The following COL5A2 variants were observed in gnomAD, a reference collection of about 807,000 sequenced individuals.
COL5A2 encodes collagen type V alpha 2 chain, also known as collagen alpha-2(V) chain.
A neutral mutation model predicts 208.2 loss-of-function variants in COL5A2; 23 were observed. The observed-to-expected ratio is 0.11, with a 90% CI of 0.08 to 0.16. The LOEUF (loss-of-function observed/expected upper bound fraction) is 0.16, where lower values mean the gene tolerates loss of function less well. COL5A2 is among the 10% of genes least tolerant of loss of function. The pLI is 1.00. For missense variants in COL5A2, 1,590 were observed against 1,956.4 expected (o/e 0.81, Z 3.53); for synonymous variants, 625 against 628.5 (o/e 0.99, Z 0.08).
At position 189,072,241 on chromosome 2, in the gene COL5A2, C is replaced by T. The variant is rs369546223; in HGVS notation, c.1105-148G>A. ...AATTACAAAGATAATAGGCTAATTT[C>T]ATTATAAGTACCTTCAACATCAATC... On this transcript the variant is annotated intron_variant, in intron 17 of 53. Coordinates refer to ENST00000374866, the MANE Select transcript of COL5A2 (RefSeq NM_000393.5). The T allele has an allele frequency of 1.7e-5, 11 of 646,528 alleles. No individual in the cohort carries two copies. In the East Asian group the frequency reaches 2.5e-4, roughly 15 times the overall value. 40.0% of individuals were successfully genotyped at this position (646,528 alleles called of 1,614,324 possible). A position where few individuals can be genotyped will look rare whatever the true frequency, so the allele number is the denominator to read the frequency against.
chr2:189,248,180 T>G, the COL5A2 span, among the ~76,000 whole-genome samples: 85 of 152,322 alleles, frequency 5.6e-4, no homozygotes, highest in Non-Finnish European at 1.2e-3. Flanking sequence ...GCAATGTGCT[T>G]TTTTCAGTGT....
intron 26 of COL5A2, 95 bp from the exon 27 acceptor site, chr2:189,063,365 T>G: frequency 1.0e-6 from 1 of 1,001,556 alleles, no homozygotes; most frequent in South Asian, 1.3e-5. Flanking sequence ...TCATGTTACA[T>G]AAATTTTAAA....
chr2:189,066,421 G>C lies in COL5A2; in HGVS notation c.1532C>G (p.Thr511Arg), dbSNP rs745307059. Residue 511 changes from threonine (T) to arginine (R), a missense_variant, in exon 23 of 54, where the codon ACA (threonine) becomes AGA (arginine). Transcript: ENST00000374866. The part of the protein sequence containing the change: ...GKRGPRGDPG[T>R]VGPPGPVGER... ...TCCCACTGGCCCTGGAGGACCAACT[G>C]TTCCTGGGTCACCTCTGGGACCTCT... is the stretch of plus-strand genomic sequence containing the variant. 1.9e-6 allele frequency: 3 copies of C among 1,614,150 alleles called. No individual in the cohort carries two copies. The highest frequency in any genetic ancestry group is 2.2e-5 in the South Asian group (2 of 91,080).
At chr2:189,243,669 C>G in the COL5A2 span, among the ~76,000 whole-genome samples, 1 of 152,178 alleles carries the variant, frequency 6.6e-6, no homozygotes, top group Non-Finnish European at 1.5e-5. Flanking sequence ...CATATCCTCA[C>G]ATTTCAAAAC....
chr2:189,106,742 T>C (rs1001153019), intron 2 of COL5A2, among the ~76,000 whole-genome samples: 20 of 151,452 alleles, frequency 1.3e-4, no homozygotes, highest in African/African-American at 4.6e-4. Context: ...AAATATTGTA[T>C]TATGTTAGTA....
chr2:189,068,853 G>C lies in COL5A2; in HGVS notation c.1190C>G (p.Pro397Arg). 6.2e-7 allele frequency: 1 copy of C among 1,613,292 alleles called. No homozygotes were observed. ...GEAGPTGARGPEGPQGQRGET... is the reference protein window; with the variant it reads ...GEAGPTGARGREGPQGQRGET... ...ACCTCTCTGCCCCTGAGGACCTTCA[G>C]GGCCTCGCGCCCCTGTAGGACCTGC... Residue 397 changes from proline (P) to arginine (R), a missense_variant, in exon 19 of 54, where the codon CCT (proline) becomes CGT (arginine). Coordinates refer to ENST00000374866, the MANE Select transcript of COL5A2 (RefSeq NM_000393.5).
chr2:189,319,322 G>A, the COL5A2 span, among the ~76,000 whole-genome samples: 1 of 152,252 alleles, frequency 6.6e-6, no homozygotes, highest in South Asian at 2.1e-4. Context: ...GTAGGTGCAG[G>A]ACACTGGATG....
chr2:189,365,225 T>A, the COL5A2 span, among the ~76,000 whole-genome samples: 1 of 152,226 alleles, frequency 6.6e-6, no homozygotes, highest in Non-Finnish European at 1.5e-5. Flanking sequence ...CAAAATTATA[T>A]GAGCTTCAGA....
At chr2:189,252,115 G>A in the COL5A2 span, among the ~76,000 whole-genome samples, 4 of 152,174 alleles carry the variant, frequency 2.6e-5, no homozygotes, top group Non-Finnish European at 5.9e-5. Context: ...GGAAACAACA[G>A]GTGCTGGAGA....
chr2:189,300,194 A>G, the COL5A2 span, among the ~76,000 whole-genome samples: 1 of 152,176 alleles, frequency 6.6e-6, no homozygotes. Context: ...TCAGCATATT[A>G]TACTTTCTTT....
chr2:189,093,540 T>C (rs1217900529), intron 6 of COL5A2, among the ~76,000 whole-genome samples: 1 of 152,160 alleles, frequency 6.6e-6, no homozygotes, highest in African/African-American at 2.4e-5. Context: ...GCATCATAGC[T>C]ATTCAGAAAT....
At chr2:189,085,972 A>T (rs1490635040) in intron 9 of COL5A2, among the ~76,000 whole-genome samples, 200 bp from the exon 10 acceptor site, 1 of 152,166 alleles carries the variant, frequency 6.6e-6, no homozygotes, top group Non-Finnish European at 1.5e-5. Flanking sequence ...TTACTTTATT[A>T]GGCTGTTATG....
At chr2:189,414,619 A>C in the COL5A2 span, among the ~76,000 whole-genome samples, 1 of 152,000 alleles carries the variant, frequency 6.6e-6, no homozygotes, top group African/African-American at 2.4e-5. Flanking sequence ...GTGCGGTGGC[A>C]TGCGCCTATA....
chr2:189,057,401 A>G lies in COL5A2; in HGVS notation c.2256T>C (p.Pro752=). 6.2e-7 allele frequency: 1 copy of G among 1,613,234 alleles called. No individual in the cohort carries two copies. Among genetic ancestry groups the G allele is most frequent in the Non-Finnish European group, 8.5e-7 (1 of 1,179,794 alleles). The change falls in exon 34 of 54, where the codon CCT becomes CCC. Residue 752 remains proline, a synonymous_variant. Transcript: ENST00000374866. ...GAAGACCTGGTGGGCCTGTATCTCCAGGGGTCCCAGATGGACCTGGACTGC... is the reference window on the plus strand; with the variant it reads ...GAAGACCTGGTGGGCCTGTATCTCCGGGGGTCCCAGATGGACCTGGACTGC... ...PKGSPGPSGT[P]GDTGPPGLQG...
chr2:189,412,536 T>G, the COL5A2 span, among the ~76,000 whole-genome samples: 1 of 152,216 alleles, frequency 6.6e-6, no homozygotes, highest in Non-Finnish European at 1.5e-5. Context: ...ATGATGCTCC[T>G]TTGCTGCCAC....
At chr2:189,209,700 G>A (rs1689187948) in intron 1 of COL5A2, among the ~76,000 whole-genome samples, 1 of 152,200 alleles carries the variant, frequency 6.6e-6, no homozygotes, top group African/African-American at 2.4e-5. Context: ...ATCATGGAGA[G>A]GGAGAAGTCA....
the COL5A2 span, among the ~76,000 whole-genome samples, chr2:189,347,806 G>A: frequency 6.6e-6 from 1 of 152,186 alleles, no homozygotes; most frequent in Non-Finnish European, 1.5e-5. Context: ...GAAAATGAGA[G>A]AATGTTTGAA....
At chr2:189,265,917 C>T in the COL5A2 span, among the ~76,000 whole-genome samples, 1 of 152,078 alleles carries the variant, frequency 6.6e-6, no homozygotes, top group East Asian at 1.9e-4. Flanking sequence ...TTGGCATTTC[C>T]CCAAATAGTT....
chr2:189,080,918 T>G, intron 13 of COL5A2, 72 bp downstream of exon 13: 3 of 1,238,040 alleles, frequency 2.4e-6, no homozygotes. Context: ...GTAAAGATTT[T>G]GAAGGTAAAT....
Sources: allele counts gnomAD v4.1 joint callset (sites outside exome capture counted in the v4.1 genomes callset), GRCh38; gene constraint gnomAD v4.1.1; transcripts MANE v1.5; gene names NCBI Gene and HGNC (gene_info 2026-07-23, HGNC 2026-07-21).